KRT86: variants seen among roughly 807,000 people sequenced by gnomAD.
KRT86 encodes the protein keratin, type II cuticular Hb6.
KRT86 carries 30 observed loss-of-function variants against 41.2 expected under a neutral mutation model. The ratio of observed to expected loss-of-function variants is 0.73; its 90% CI spans 0.54 to 0.99. KRT86 has a LOEUF of 0.99. Ranked by LOEUF, KRT86 falls within the 50% of genes least tolerant of loss-of-function variation. KRT86 has a pLI of 0.00. For missense variants in KRT86, 561 were observed against 571.4 expected, an observed-to-expected ratio of 0.98 and a Z score of 0.19; for synonymous variants, 238 against 238.1, an observed-to-expected ratio of 1.00 and a Z score of 0.00.
At chr12:52,289,039 GCCCTTTGTCAAGGCC>G (rs1344580150) in intron 2 of KRT86, among the ~76,000 whole-genome samples, 2 of 118,676 alleles carry the variant, frequency 1.7e-5, no homozygotes, top group East Asian at 4.9e-4. Context: ...CCAAGTCATT[GCCCTTTGTCAAGGCC>G]CTGGATGCTC....
In KRT86 at chr12:52,286,431, C is replaced by T; in HGVS notation, c.-5+10485C>T. On this transcript the variant is annotated intron_variant, in intron 2 of 10. Transcript: ENST00000423955. The stretch of plus-strand genomic sequence containing the variant: ...GGAGCGCTGCAGACACTGCCAGTCA[C>T]TGGCCGGGAGCCTGACACGCAGAGG... 1.3e-6 allele frequency: 2 copies of T among 1,553,120 alleles called. 1 individual carries two copies. The highest frequency in any genetic ancestry group is 2.4e-5 in the South Asian group (2 of 84,176).
At chr12:52,299,721 T>TTGGTCA (rs1418947411) in intron 2 of KRT86, among the ~76,000 whole-genome samples, 3 of 152,260 alleles carry the variant, frequency 2.0e-5, no homozygotes, top group Non-Finnish European at 4.4e-5. Flanking sequence ...AATATACCTG[T>TTGGTCA]TGGTCATGTA....
At position 52,275,962 on chromosome 12, in the gene KRT86, G is replaced by A. The variant is rs751361827; in HGVS notation, c.-5+16G>A. On this transcript the variant is annotated intron_variant, in intron 2 of 10. Transcript: ENST00000423955. The stretch of plus-strand genomic sequence containing the variant: ...TGAGAGTCAGGTGAGAGGTGGGAGT[G>A]GGGGGCAACAGAGTGGCCATGGTGG... The A allele has an allele frequency of 3.3e-4, 321 of 985,794 alleles. No homozygotes were observed. The highest frequency in any genetic ancestry group is 3.7e-4 in the Non-Finnish European group (304 of 829,950). The allele number at this position is 985,794 out of a possible 1,614,324, so 61.1% of individuals were successfully genotyped here.
chr12:52,306,540 A>T (rs1392609650), intron 9 of KRT86: 1 of 606,486 alleles, frequency 1.6e-6, no homozygotes, highest in African/African-American at 1.9e-5. Context: ...TGTTACTGAG[A>T]AGCCTAATTA....
intron 2 of KRT86, 82 bp downstream of exon 2, chr12:52,276,028 A>T (rs1942554093): frequency 1.0e-6 from 1 of 985,468 alleles, no homozygotes; most frequent in Non-Finnish European, 1.2e-6. Context: ...CTCCCCACCT[A>T]CCCTTTGGAT....
chr12:52,306,502 G>T (rs2121315880), intron 9 of KRT86: 1 of 703,662 alleles, frequency 1.4e-6, no homozygotes, highest in East Asian at 2.7e-5. Flanking sequence ...TCTCAGTTGA[G>T]ATCCAGTAAT....
At chr12:52,305,150 G>C in intron 6 of KRT86, 90 bp from the exon 7 acceptor site, 1 of 1,609,734 alleles carries the variant, frequency 6.2e-7, no homozygotes, top group Non-Finnish European at 8.5e-7. Flanking sequence ...GGGCAGGGTT[G>C]GGGACCAGAG....
chr12:52,280,080 T>A (rs1937737478), intron 2 of KRT86, among the ~76,000 whole-genome samples: 1 of 152,170 alleles, frequency 6.6e-6, no homozygotes, highest in African/African-American at 2.4e-5. Flanking sequence ...TGGAGAGAGA[T>A]GAACACAATT....
intron 9 of KRT86, among the ~76,000 whole-genome samples, chr12:52,307,418 C>A (rs879500934): frequency 1.1e-4 from 17 of 152,180 alleles, no homozygotes; most frequent in African/African-American, 2.7e-4. Context: ...ACCTAGGGAA[C>A]CTGGGCATGG....
rs1426064533 is a variant in KRT86 at position 52,305,028 on chromosome 12, G to T, written c.735+1G>T. 1 of 1,613,834 alleles carries T rather than the reference G, an allele frequency of 6.2e-7. No homozygotes were observed. The highest frequency in any genetic ancestry group is 8.5e-7 in the Non-Finnish European group (1 of 1,179,956). On this transcript the variant is annotated splice_donor_variant, in intron 6 of 10. Transcript: ENST00000423955. LOFTEE classifies it high-confidence loss of function. The stretch of plus-strand genomic sequence containing the variant: ...CTTCCTGAGGCGGCTGTATGAGGAG[G>T]TGCGGGCTCAGGGGCCAGGCAGAGA...
chr12:52,286,998 A>G, intron 2 of KRT86: 1 of 1,597,272 alleles, frequency 6.3e-7, no homozygotes, highest in Non-Finnish European at 8.6e-7. Context: ...GAATAATAAT[A>G]TTTTTTTCCC....
intron 10 of KRT86, 22 bp from the exon 11 acceptor site, chr12:52,308,382 C>T (rs778575463): frequency 6.2e-7 from 1 of 1,611,220 alleles, no homozygotes; most frequent in African/African-American, 1.3e-5. Context: ...CTGACGCGCG[C>T]CTCCGTCTCT....
intron 2 of KRT86, among the ~76,000 whole-genome samples, chr12:52,283,356 G>A (rs531034636): frequency 1.2e-4 from 14 of 114,130 alleles, no homozygotes; most frequent in South Asian, 6.6e-4. Context: ...CTGCACCACC[G>A]CACTCCAGCC....
chr12:52,291,499 G>T, intron 2 of KRT86: 2 of 1,610,590 alleles, frequency 1.2e-6, no homozygotes, highest in Non-Finnish European at 1.7e-6. Context: ...CAGAGGACAG[G>T]ATAGGGGACC....
At chr12:52,286,886 A>C in intron 2 of KRT86, 1 of 1,592,510 alleles carries the variant, frequency 6.3e-7, no homozygotes, top group Non-Finnish European at 8.6e-7. Flanking sequence ...AAAGCTCCCC[A>C]GTTCATAGGG....
At chr12:52,286,393 G>A (rs762398736) in intron 2 of KRT86, 26 of 1,555,232 alleles carry the variant, frequency 1.7e-5, no homozygotes, top group African/African-American at 9.5e-5. Flanking sequence ...TCACCGCCAC[G>A]TTCCCGTTGC....
At chr12:52,286,970 C>G in intron 2 of KRT86, 7 of 1,555,354 alleles carry the variant, frequency 4.5e-6, no homozygotes, top group Non-Finnish European at 6.2e-6. Flanking sequence ...ACACACCAGC[C>G]CTCCCCACAC....
At position 52,305,265 on chromosome 12, in the gene KRT86, T is replaced by C; in HGVS notation, c.761T>C (p.Ile254Thr). Residue 254 changes from isoleucine to threonine, a missense_variant, in exon 7 of 11, where the codon ATC becomes ACC. By Grantham distance (89) the Ile-to-Thr change is moderately conservative. This residue lies in a region of KRT86 where 397 missense variants were observed against 375.9 expected (regional missense o/e 1.06). Transcript: ENST00000423955. ...EEEIRVLQSHISDTSVVVKLD... is the reference protein window; with the variant it reads ...EEEIRVLQSHTSDTSVVVKLD... Reference sequence around the variant, plus strand: ...GAGATCCGCGTTCTCCAGTCCCACATCTCAGACACCTCCGTGGTTGTCAAG... The same window carrying C: ...GAGATCCGCGTTCTCCAGTCCCACACCTCAGACACCTCCGTGGTTGTCAAG... 4 of 1,614,176 alleles carry C rather than the reference T, an allele frequency of 2.5e-6. No homozygotes were observed. Among genetic ancestry groups the C allele is most frequent in the Non-Finnish European group, 3.4e-6 (4 of 1,180,022 alleles).
At chr12:52,287,742 C>T in intron 2 of KRT86, 1 of 1,614,022 alleles carries the variant, frequency 6.2e-7, no homozygotes, top group South Asian at 1.1e-5. Flanking sequence ...TAGAGATGCT[C>T]ATGAGGTTCA....
Sources: gnomAD v4.1 joint callset for allele counts (sites outside exome capture counted in the v4.1 genomes callset) on GRCh38, gnomAD v4.1.1 for gene constraint, gnomAD v4.1.1 regional missense constraint, MANE v1.5 for transcripts, NCBI Gene and HGNC (gene_info 2026-07-23, HGNC 2026-07-21) for gene names.